ARFGEF2: variants seen among roughly 807,000 people sequenced by gnomAD.
ARFGEF2 encodes brefeldin A-inhibited guanine nucleotide-exchange protein 2.
A neutral mutation model predicts 219.9 loss-of-function variants in ARFGEF2; 74 were observed. The observed-to-expected ratio is 0.34, with a 90% confidence interval of 0.28 to 0.41. The LOEUF (loss-of-function observed/expected upper bound fraction) is 0.41. Ranked by LOEUF, ARFGEF2 falls within the 10% of genes least tolerant of loss-of-function variation. The probability of loss-of-function intolerance (pLI) is 1.00; values close to 1 mark genes in which losing one functional copy is unlikely to be tolerated. For missense variants in ARFGEF2, 1,743 were observed against 2,218.3 expected (o/e 0.79, Z 4.30); for synonymous variants, 733 against 799.2 (o/e 0.92, Z 1.40).
intron 3 of ARFGEF2, among the ~76,000 whole-genome samples, chr20:48,948,773 CAT>C (rs1172067080): frequency 2.0e-4 from 30 of 152,344 alleles, no homozygotes; most frequent in Admixed American, 1.0e-3. Flanking sequence ...AGCCCTGACT[CAT>C]GTGTCAGTGG....
intron 35 of ARFGEF2, among the ~76,000 whole-genome samples, chr20:49,024,994 AAATAAT>A (rs766187300): frequency 4.1e-4 from 63 of 152,022 alleles, no homozygotes; most frequent in Admixed American, 1.8e-3. Flanking sequence ...TCTTGTCTCA[AAATAAT>A]AATAATAATA....
rs189556881 is a variant in ARFGEF2 at position 48,963,218 on chromosome 20, A to C, written c.839-612A>C. Among the ~76,000 whole-genome samples the C allele has an allele frequency of 1.8e-3, 267 of 150,220 alleles. 1 individual carries two copies. Among genetic ancestry groups the C allele is most frequent in the African/African-American group, 6.3e-3 (256 of 40,414 alleles). On this transcript the variant is annotated intron_variant, in intron 6 of 38. Transcript: ENST00000371917. Reference sequence around the variant, plus strand: ...ATGTTTACTTCTAAATATCTGGTCAAGAACTGTTTACTTTACGTAAGCTCT... The same window carrying C: ...ATGTTTACTTCTAAATATCTGGTCACGAACTGTTTACTTTACGTAAGCTCT...
chr20:48,995,907 C>T (rs2091382955), intron 23 of ARFGEF2, 25 bp downstream of exon 23: 1 of 1,600,164 alleles, frequency 6.2e-7, no homozygotes, highest in East Asian at 2.2e-5. Flanking sequence ...CTTCAGTGAC[C>T]CTGAACTACA....
At chr20:49,026,981 T>C (rs535031149) in intron 36 of ARFGEF2, among the ~76,000 whole-genome samples, 166 of 152,340 alleles carry the variant, frequency 1.1e-3, no homozygotes, top group Non-Finnish European at 2.1e-3. Context: ...AGCTCTTTTA[T>C]GCCTTTGCCT....
chr20:48,966,250 C>G (rs999590810), intron 8 of ARFGEF2, among the ~76,000 whole-genome samples: 3 of 152,174 alleles, frequency 2.0e-5, no homozygotes, highest in Non-Finnish European at 4.4e-5. Context: ...ACTCAGACTT[C>G]TAATACTTAA....
intron 6 of ARFGEF2, among the ~76,000 whole-genome samples, chr20:48,957,882 C>G (rs573321797): frequency 6.6e-6 from 1 of 152,262 alleles, no homozygotes; most frequent in East Asian, 1.9e-4. Flanking sequence ...TATTATGGAT[C>G]CTGCCTATTA....
rs573838411 is a variant in ARFGEF2, at chr20:49,025,372, C to T, written c.4815C>T (p.Tyr1605=). The T allele has an allele frequency of 1.1e-4, 179 of 1,614,032 alleles. 1 individual carries two copies. In the South Asian group the frequency reaches 1.8e-3, roughly 16 times the overall value. ...CGGAGGATCAGGGCATGTATAAGTACATGTCTTCCCAGCACCTCTTCAAGC... is the reference window on the plus strand; with the variant it reads ...CGGAGGATCAGGGCATGTATAAGTATATGTCTTCCCAGCACCTCTTCAAGC... ...IETEDQGMYK[Y]MSSQHLFKLL... is the part of the protein sequence containing the mutation. The change falls in exon 36 of 39, where the codon TAC becomes TAT. Residue 1605 remains tyrosine, a synonymous_variant. Coordinates refer to ENST00000371917, the MANE Select transcript of ARFGEF2 (RefSeq NM_006420.3).
chr20:49,002,809 T>A (rs2091433122), intron 25 of ARFGEF2, among the ~76,000 whole-genome samples: 2 of 151,406 alleles, frequency 1.3e-5, no homozygotes, highest in Non-Finnish European at 2.9e-5. Context: ...CATGCCTGGC[T>A]AATTTTTTGT....
intron 14 of ARFGEF2, among the ~76,000 whole-genome samples, chr20:48,976,945 T>C (rs2091266078): frequency 7.3e-6 from 1 of 137,650 alleles, no homozygotes; most frequent in Non-Finnish European, 1.5e-5. Flanking sequence ...CATTTTATTT[T>C]ATTTTATTTT....
intron 21 of ARFGEF2, among the ~76,000 whole-genome samples, chr20:48,992,679 C>A (rs1483779760): frequency 6.6e-6 from 1 of 152,174 alleles, no homozygotes; most frequent in African/African-American, 2.4e-5. Flanking sequence ...ATCTCCGTGG[C>A]GTATGGCTTT....
chr20:48,979,955 G>T (rs1285123458), intron 14 of ARFGEF2, among the ~76,000 whole-genome samples: 3 of 143,138 alleles, frequency 2.1e-5, no homozygotes, highest in African/African-American at 5.0e-5. Flanking sequence ...ATTTTTTTTT[G>T]AAGGGTTTTT....
chr20:48,931,495 G>C (rs2090913001), intron 1 of ARFGEF2, among the ~76,000 whole-genome samples: 1 of 152,060 alleles, frequency 6.6e-6, no homozygotes, highest in Non-Finnish European at 1.5e-5. Flanking sequence ...ATATGTCAAG[G>C]GTGATAAATA....
intron 3 of ARFGEF2, among the ~76,000 whole-genome samples, chr20:48,950,814 ATATATATATATATAT>A (rs1600602377): frequency 9.0e-4 from 46 of 50,864 alleles, no homozygotes; most frequent in East Asian, 6.9e-3. Flanking sequence ...AAAAAAAAAT[ATATATATATATATAT>A]ATATATATAT....
chr20:48,982,315 C>T (rs938513220), intron 14 of ARFGEF2, among the ~76,000 whole-genome samples: 1 of 152,196 alleles, frequency 6.6e-6, no homozygotes, highest in Non-Finnish European at 1.5e-5. Flanking sequence ...CCAGCAGAGG[C>T]TGCAGAACAG....
chr20:48,977,122 C>T (rs946533084), intron 14 of ARFGEF2, among the ~76,000 whole-genome samples: 8 of 151,654 alleles, frequency 5.3e-5, no homozygotes, highest in Non-Finnish European at 1.0e-4. Flanking sequence ...TGCTATCCCT[C>T]CCCCTGCGCC....
At chr20:48,945,427 G>A (rs1332939890) in intron 3 of ARFGEF2, among the ~76,000 whole-genome samples, 1 of 152,128 alleles carries the variant, frequency 6.6e-6, no homozygotes, top group Non-Finnish European at 1.5e-5. Flanking sequence ...TACCCATGTG[G>A]TTCTGGCCTG....
Position 49,005,052 on chromosome 20 carries a change from G to A in ARFGEF2, c.3433-18G>A, listed in dbSNP as rs143836936. 2.0e-4 allele frequency: 327 copies of A among 1,614,124 alleles called. 1 individual carries two copies. In the African/African-American group the frequency reaches 4.0e-3, roughly 20 times the overall value. On this transcript the variant is annotated intron_variant, in intron 25 of 38. Transcript: ENST00000371917. ...ATTACACTATACCTGTTTCACATCA[G>A]TTCCTGTTCTTGTTCAGGTTGGCTG...
At chr20:49,000,177 G>T (rs1428211959) in intron 25 of ARFGEF2, among the ~76,000 whole-genome samples, 1 of 152,206 alleles carries the variant, frequency 6.6e-6, no homozygotes, top group African/African-American at 2.4e-5. Context: ...ATGAAGCATT[G>T]TCATATGTAG....
chr20:48,981,494 G>A (rs2091295627), intron 14 of ARFGEF2, among the ~76,000 whole-genome samples: 1 of 152,116 alleles, frequency 6.6e-6, no homozygotes, highest in Non-Finnish European at 1.5e-5. Context: ...TCTTTGTGGT[G>A]TTCTCTGTAT....
Sources: gnomAD v4.1 joint callset for allele counts (sites outside exome capture counted in the v4.1 genomes callset) on GRCh38, gnomAD v4.1.1 for gene constraint, MANE v1.5 for transcripts, NCBI Gene and HGNC (gene_info 2026-07-23, HGNC 2026-07-21) for gene names.